LRCH1: variants seen among roughly 807,000 people sequenced by gnomAD.
LRCH1 encodes leucine-rich repeat and calponin homology domain-containing protein 1.
A neutral mutation model predicts 94.9 loss-of-function variants in LRCH1; 23 were observed. The observed-to-expected ratio is 0.24, with a 90% CI of 0.17 to 0.34. LRCH1 has a LOEUF of 0.34. LRCH1 is among the 10% of genes least tolerant of loss of function. The probability of loss-of-function intolerance (pLI) is 1.00; values close to 1 mark genes in which losing one functional copy is unlikely to be tolerated. For synonymous variants in LRCH1, 364 were observed against 354.9 expected, an observed-to-expected ratio of 1.03 and a Z score of -0.29; for missense variants, 790 against 945.9, an observed-to-expected ratio of 0.84 and a Z score of 2.16.
chr13:46,672,049 C>T (rs1453972738), intron 3 of LRCH1, among the ~76,000 whole-genome samples: 1 of 152,198 alleles, frequency 6.6e-6, no homozygotes, highest in Non-Finnish European at 1.5e-5. Context: ...TGTGTCATCC[C>T]TCCCTCCTCC....
Position 46,743,039 on chromosome 13 carries a change from G to T in LRCH1, c.*1191G>T. The T allele has an allele frequency of 2.0e-6, 2 of 985,358 alleles. No individual in the cohort carries two copies. The highest frequency in any genetic ancestry group is 2.4e-6 in the Non-Finnish European group (2 of 829,898). 61.0% of individuals were successfully genotyped at this position (985,358 alleles called of 1,614,324 possible). On this transcript the variant is annotated 3_prime_UTR_variant, in exon 20 of 20. Transcript: ENST00000389797. The stretch of plus-strand genomic sequence containing the variant: ...TAGCCAGAATGTCCCTGGATTCAGG[G>T]GTGTCTTTGTATAATATGAGAGGGC...
intron 18 of LRCH1, chr13:46,750,444 ATTCAACCTAACTT>A: frequency 1.2e-6 from 1 of 836,824 alleles, no homozygotes; most frequent in Non-Finnish European, 2.0e-6. Context: ...ATACTAGAGT[ATTCAACCTAACTT>A]TGATGTCATC....
chr13:46,656,530 T>G (rs1225125011), intron 2 of LRCH1, among the ~76,000 whole-genome samples: 1 of 152,248 alleles, frequency 6.6e-6, no homozygotes, highest in Non-Finnish European at 1.5e-5. Context: ...AGGTTTTGTT[T>G]TGTGAAATGA....
chr13:46,710,882 G>A (rs1036473129), intron 13 of LRCH1, among the ~76,000 whole-genome samples: 1 of 152,098 alleles, frequency 6.6e-6, no homozygotes, highest in Non-Finnish European at 1.5e-5. Flanking sequence ...AAACTAGAGT[G>A]TGTCCCTTGT....
At chr13:46,737,253 C>A (rs780515844) in intron 19 of LRCH1, among the ~76,000 whole-genome samples, 1 of 152,118 alleles carries the variant, frequency 6.6e-6, no homozygotes, top group East Asian at 1.9e-4. Flanking sequence ...TATCCCTCCA[C>A]GACATTTAAA....
Position 46,657,500 on chromosome 13 carries a change from C to CTTTTTTTTTTTTTTTTTTTTTTT in LRCH1, c.452+7175_452+7197dup. Among the ~76,000 whole-genome samples, 21 of 11,388 alleles carry CTTTTTTTTTTTTTTTTTTTTTTT rather than the reference C, an allele frequency of 1.8e-3. 6 individuals carry two copies. The highest frequency in any genetic ancestry group is 3.1e-3 in the Non-Finnish European group (19 of 6,140). 7.5% of individuals were successfully genotyped at this position (11,388 alleles called of 152,430 possible). A position where few individuals can be genotyped will look rare whatever the true frequency, so the allele number is the denominator to read the frequency against. On this transcript the variant is annotated intron_variant, in intron 2 of 19. Coordinates refer to ENST00000389797, the MANE Select transcript of LRCH1 (RefSeq NM_001164211.2). Reference sequence around the variant, plus strand: ...TCATTTTTACTTTTTCTTTTCTTTTCTTTTTTTTTTTTTTTTTTTTTTTTT... The same window carrying CTTTTTTTTTTTTTTTTTTTTTTT: ...TCATTTTTACTTTTTCTTTTCTTTTCTTTTTTTTTTTTTTTTTTTTTTTTTTTTTTTTTTTTTTTTTTTTTTTT...
At chr13:46,636,651 C>T (rs1403397844) in intron 1 of LRCH1, among the ~76,000 whole-genome samples, 3 of 152,172 alleles carry the variant, frequency 2.0e-5, no homozygotes, top group African/African-American at 4.8e-5. Context: ...TCAGGGTCAC[C>T]TGTGGCCTCC....
At chr13:46,709,639 C>T (rs1210076713) in intron 13 of LRCH1, among the ~76,000 whole-genome samples, 1 of 151,860 alleles carries the variant, frequency 6.6e-6, no homozygotes, top group East Asian at 1.9e-4. Context: ...CCCTAGAAGA[C>T]AGAAAACCTC....
intron 1 of LRCH1, among the ~76,000 whole-genome samples, chr13:46,648,743 A>G (rs1486013164): frequency 6.6e-6 from 1 of 152,110 alleles, no homozygotes; most frequent in Non-Finnish European, 1.5e-5. Flanking sequence ...AATTTTGCAT[A>G]TTCCTTAAGA....
intron 1 of LRCH1, among the ~76,000 whole-genome samples, chr13:46,577,417 G>A (rs1483940789): frequency 1.3e-5 from 2 of 152,136 alleles, no homozygotes; most frequent in East Asian, 1.9e-4. Context: ...TCTTTTAAAG[G>A]CATCACCTAA....
At chr13:46,697,502 G>A (rs1036508895) in intron 9 of LRCH1, among the ~76,000 whole-genome samples, 3 of 152,100 alleles carry the variant, frequency 2.0e-5, no homozygotes, top group African/African-American at 7.2e-5. Context: ...TGAACACAAG[G>A]CAGCACTTCA....
At chr13:46,569,808 T>G (rs973342738) in intron 1 of LRCH1, among the ~76,000 whole-genome samples, 6 of 152,204 alleles carry the variant, frequency 3.9e-5, no homozygotes, top group Non-Finnish European at 7.3e-5. Flanking sequence ...GTACCTTTTC[T>G]GTCTTCATTG....
chr13:46,623,633 C>T (rs528290669), intron 1 of LRCH1, among the ~76,000 whole-genome samples: 50 of 151,194 alleles, frequency 3.3e-4, no homozygotes, highest in African/African-American at 1.1e-3. Flanking sequence ...TCATTTGTTC[C>T]ACCACTGCTG....
intron 1 of LRCH1, among the ~76,000 whole-genome samples, chr13:46,582,094 G>A (rs145536415): frequency 0.015 from 2,181 of 143,860 alleles, 44 homozygotes; most frequent in African/African-American, 0.054. Flanking sequence ...AGTTTGCAGT[G>A]AGCCGAAATC....
At chr13:46,576,974 G>A (rs754776334) in intron 1 of LRCH1, among the ~76,000 whole-genome samples, 10 of 152,190 alleles carry the variant, frequency 6.6e-5, no homozygotes, top group Non-Finnish European at 1.2e-4. Context: ...CCTTTTCCAA[G>A]CTTTCGAGGT....
At chr13:46,560,330 A>G (rs1230943570) in intron 1 of LRCH1, among the ~76,000 whole-genome samples, 1 of 151,996 alleles carries the variant, frequency 6.6e-6, no homozygotes, top group Non-Finnish European at 1.5e-5. Flanking sequence ...TGTAACTTGA[A>G]TTTTTGTCTA....
At chr13:46,577,897 G>C (rs920677701) in intron 1 of LRCH1, among the ~76,000 whole-genome samples, 1 of 152,204 alleles carries the variant, frequency 6.6e-6, no homozygotes, top group Non-Finnish European at 1.5e-5. Flanking sequence ...CAAGAGCTGG[G>C]AGCCTCTCCT....
chr13:46,573,878 T>TTTC (rs1566150917), intron 1 of LRCH1, among the ~76,000 whole-genome samples: 28 of 62,756 alleles, frequency 4.5e-4, no homozygotes, highest in African/African-American at 1.2e-3. Context: ...TTTTTTTTTT[T>TTTC]TTGAGATGGA....
chr13:46,716,997 A>G (rs1473832207), intron 16 of LRCH1, among the ~76,000 whole-genome samples: 4 of 152,158 alleles, frequency 2.6e-5, no homozygotes, highest in African/African-American at 7.2e-5. Context: ...AAAGCCTAGA[A>G]TGAAAGATTT....
Sources: allele counts gnomAD v4.1 joint callset (sites outside exome capture counted in the v4.1 genomes callset), GRCh38; gene constraint gnomAD v4.1.1; transcripts MANE v1.5; gene names NCBI Gene and HGNC (gene_info 2026-07-23, HGNC 2026-07-21).